PIK3R1: variants seen among roughly 807,000 people sequenced by gnomAD.
The protein encoded by PIK3R1 is phosphoinositide-3-kinase regulatory subunit 1.
PIK3R1 carries 29 observed loss-of-function variants against 98.0 expected under a neutral mutation model. That is an observed-to-expected ratio of 0.30 (90% confidence interval 0.22 to 0.40). PIK3R1 has a LOEUF of 0.40. Among genes scored for constraint, PIK3R1 ranks in the 10% least tolerant of loss-of-function variants. The probability of loss-of-function intolerance (pLI) is 1.00; values close to 1 mark genes in which losing one functional copy is unlikely to be tolerated. For synonymous variants in PIK3R1, 282 were observed against 311.8 expected (o/e 0.90, Z 1.01); for missense variants, 596 against 872.7 (o/e 0.68, Z 3.99).
intron 2 of PIK3R1, among the ~76,000 whole-genome samples, chr5:68,271,112 G>T (rs1326928264): frequency 3.9e-5 from 6 of 152,090 alleles, no homozygotes; most frequent in African/African-American, 1.4e-4. Context: ...ACCCCAAACA[G>T]GTTACTAGCC....
At chr5:68,253,983 CTT>C (rs5868528) in intron 2 of PIK3R1, among the ~76,000 whole-genome samples, 1,847 of 129,598 alleles carry the variant, frequency 0.014, 15 homozygotes, top group African/African-American at 0.037. Flanking sequence ...CGTGGACCCC[CTT>C]TTTTTTTTTT....
intron 7 of PIK3R1, among the ~76,000 whole-genome samples, chr5:68,285,584 A>G (rs1009121042): frequency 6.6e-6 from 1 of 152,242 alleles, no homozygotes; most frequent in African/African-American, 2.4e-5. Flanking sequence ...TGAGAGACAC[A>G]GGTATTTTGG....
chr5:68,238,561 T>TA (rs533784404), intron 2 of PIK3R1, among the ~76,000 whole-genome samples: 33 of 151,644 alleles, frequency 2.2e-4, no homozygotes, highest in African/African-American at 8.0e-4. Flanking sequence ...AGTGAAACAA[T>TA]AAAAAAAAGA....
chr5:68,286,650 T>G (rs1747089275), intron 7 of PIK3R1, among the ~76,000 whole-genome samples: 1 of 152,244 alleles, frequency 6.6e-6, no homozygotes, highest in Non-Finnish European at 1.5e-5. Context: ...TTGTGAGAAA[T>G]TTGTTTAAGG....
chr5:68,295,344 T>C lies in PIK3R1; in HGVS notation c.1745+20T>C. The C allele has an allele frequency of 3.1e-6, 5 of 1,613,176 alleles. No homozygotes were observed. Among genetic ancestry groups the C allele is most frequent in the Non-Finnish European group, 3.4e-6 (4 of 1,179,108 alleles). ...CTTGATGTAAGTATTTGAAATGGAA[T>C]CCTATACATGAATAATTGGTGATTG... On this transcript the variant is annotated intron_variant, in intron 13 of 15. Transcript: ENST00000521381.
intron 2 of PIK3R1, among the ~76,000 whole-genome samples, chr5:68,261,859 A>G (rs1745766204): frequency 1.3e-5 from 2 of 152,322 alleles, no homozygotes; most frequent in South Asian, 4.1e-4. Context: ...AACAAAATGT[A>G]CAAACTCCCT....
Position 68,293,805 on chromosome 5 carries a change from T to G in PIK3R1, c.1396T>G (p.Leu466Val), listed in dbSNP as rs754454562. The G allele has an allele frequency of 2.5e-6, 4 of 1,582,202 alleles. No homozygotes were observed. The highest frequency in any genetic ancestry group is 3.4e-6 in the Non-Finnish European group (4 of 1,163,524). ...AGAAAAAAGTCGAGAATATGATAGATTATATGAAGAATATACCCGCACATC... is the reference window on the plus strand; with the variant it reads ...AGAAAAAAGTCGAGAATATGATAGAGTATATGAAGAATATACCCGCACATC... ...FQEKSREYDR[L>V]YEEYTRTSQE... Residue 466 changes from leucine to valine, a missense_variant, in exon 11 of 16, where the codon TTA becomes GTA. Physicochemically the swap from Leu to Val is conservative, Grantham distance 32. Transcript: ENST00000521381.
intron 2 of PIK3R1, among the ~76,000 whole-genome samples, chr5:68,264,737 G>T (rs551453825): frequency 6.6e-6 from 1 of 152,300 alleles, no homozygotes; most frequent in South Asian, 2.1e-4. Flanking sequence ...TCTGGCATGG[G>T]CATCAGGAGG....
intron 7 of PIK3R1, chr5:68,288,350 G>A: frequency 1.0e-6 from 1 of 986,888 alleles, no homozygotes; most frequent in South Asian, 4.5e-5. Context: ...ACCTGCCCAA[G>A]TTAATCATGA....
chr5:68,238,194 G>A (rs1744736276), intron 2 of PIK3R1, among the ~76,000 whole-genome samples: 1 of 152,202 alleles, frequency 6.6e-6, no homozygotes, highest in Non-Finnish European at 1.5e-5. Flanking sequence ...CCAAAACCAT[G>A]TTGAAATGAA....
chr5:68,231,396 A>T (rs1462714762), intron 2 of PIK3R1, among the ~76,000 whole-genome samples: 2 of 152,236 alleles, frequency 1.3e-5, no homozygotes, highest in African/African-American at 4.8e-5. Context: ...CATGCATTTG[A>T]CATGGCTTAC....
chr5:68,253,813 C>T (rs1271206934), intron 2 of PIK3R1, among the ~76,000 whole-genome samples: 3 of 152,146 alleles, frequency 2.0e-5, no homozygotes, highest in Admixed American at 6.5e-5. Context: ...AAATTAAATG[C>T]ATGCTTCATA....
At chr5:68,257,732 T>TG (rs1417269696) in intron 2 of PIK3R1, among the ~76,000 whole-genome samples, 30 of 152,210 alleles carry the variant, frequency 2.0e-4, no homozygotes, top group Admixed American at 1.9e-3. Context: ...CTCTCCTCAT[T>TG]GCCTTTTTCA....
intron 7 of PIK3R1, among the ~76,000 whole-genome samples, chr5:68,285,878 G>A (rs767666393): frequency 3.9e-5 from 6 of 152,138 alleles, no homozygotes; most frequent in Non-Finnish European, 8.8e-5. Flanking sequence ...ACCCTAAAAG[G>A]CCCTCTGTTC....
At position 68,226,580 on chromosome 5, in the gene PIK3R1, C is replaced by G. The variant is rs1241752446; in HGVS notation, c.-96C>G. The G allele has an allele frequency of 2.0e-6, 2 of 1,001,096 alleles. No individual in the cohort carries two copies. The highest frequency in any genetic ancestry group is 3.0e-6 in the Non-Finnish European group (2 of 662,234). 62.0% of individuals were successfully genotyped at this position (1,001,096 alleles called of 1,614,324 possible). Reference sequence around the variant, plus strand: ...CTCTGCTGGACACATAATAGGAATTCTAACACATTCTCTGAATTCACTTTT... The same window carrying G: ...CTCTGCTGGACACATAATAGGAATTGTAACACATTCTCTGAATTCACTTTT... On this transcript the variant is annotated 5_prime_UTR_variant, in exon 2 of 16. Coordinates refer to ENST00000521381, the MANE Select transcript of PIK3R1 (RefSeq NM_181523.3).
At chr5:68,218,681 G>A (rs7701498) in intron 1 of PIK3R1, among the ~76,000 whole-genome samples, 37,492 of 152,032 alleles carry the variant, frequency 0.25, 5,717 homozygotes, top group African/African-American at 0.42. Flanking sequence ...ATTCTCTCAC[G>A]TCAAGGCATA....
Position 68,246,748 on chromosome 5 carries a change from C to T in PIK3R1, c.334+19739C>T, listed in dbSNP as rs544896531. ...ACGCCATTCTCCTGCCTCAGCCTCC[C>T]GAGTAGCTGGGACTGCAGGCGCCTG... is the stretch of plus-strand genomic sequence containing the variant. On this transcript the variant is annotated intron_variant, in intron 2 of 15. Transcript: ENST00000521381. Among the ~76,000 whole-genome samples, 5 of 152,318 alleles carry T rather than the reference C, an allele frequency of 3.3e-5. No individual in the cohort carries two copies. In the East Asian group the frequency reaches 5.8e-4, roughly 18 times the overall value.
intron 2 of PIK3R1, among the ~76,000 whole-genome samples, chr5:68,259,942 A>G (rs1352590921): frequency 6.6e-6 from 1 of 152,202 alleles, no homozygotes; most frequent in African/African-American, 2.4e-5. Flanking sequence ...ATGAGCCTGG[A>G]CAAATCACTT....
chr5:68,280,905 TA>T, intron 6 of PIK3R1, 21 bp from the exon 7 acceptor site: 1 of 1,508,912 alleles, frequency 6.6e-7, no homozygotes, highest in Non-Finnish European at 9.1e-7. Flanking sequence ...AAAAGGTTTC[TA>T]ATAAACTCTC....
Sources: gnomAD v4.1 joint callset for allele counts (sites outside exome capture counted in the v4.1 genomes callset) on GRCh38, gnomAD v4.1.1 for gene constraint, MANE v1.5 for transcripts, NCBI Gene and HGNC (gene_info 2026-07-23, HGNC 2026-07-21) for gene names.